GNG4: variants seen among roughly 807,000 people sequenced by gnomAD.
The protein encoded by GNG4 is G protein subunit gamma 4.
GNG4 carries 4 observed loss-of-function variants against 5.8 expected under a neutral mutation model. That is an observed-to-expected ratio of 0.69 (90% confidence interval 0.34 to 1.57). The LOEUF (loss-of-function observed/expected upper bound fraction) is 1.57, where lower values mean the gene tolerates loss of function less well. GNG4 is among the 40% of genes most tolerant of loss of function. GNG4 has a pLI of 0.06. For synonymous variants in GNG4, 29 were observed against 32.9 expected (o/e 0.88, Z 0.41); for missense variants, 96 against 95.1 (o/e 1.01, Z -0.04).
intron 1 of GNG4, among the ~76,000 whole-genome samples, chr1:235,625,401 T>C (rs956042312): frequency 2.0e-5 from 3 of 152,220 alleles, no homozygotes; most frequent in South Asian, 2.1e-4. Context: ...AGTGGTCCAT[T>C]TGTGACCATC....
chr1:235,626,964 A>C (rs1688827501), intron 1 of GNG4, among the ~76,000 whole-genome samples: 1 of 40,552 alleles, frequency 2.5e-5, no homozygotes, highest in South Asian at 6.0e-4. Flanking sequence ...ATCTCAAAAA[A>C]AAAAAAAAAA....
At chr1:235,594,141 CAG>C (rs2102955072) in intron 2 of GNG4, among the ~76,000 whole-genome samples, 1 of 152,246 alleles carries the variant, frequency 6.6e-6, no homozygotes, top group South Asian at 2.1e-4. Flanking sequence ...TAGCTAGATA[CAG>C]AGTGTCCACA....
At chr1:235,591,143 C>CA (rs1259747235) in intron 2 of GNG4, among the ~76,000 whole-genome samples, 1 of 152,142 alleles carries the variant, frequency 6.6e-6, no homozygotes, top group East Asian at 1.9e-4. Context: ...GAAATATATT[C>CA]AAGGAGGTTA....
chr1:235,616,271 G>A, intron 1 of GNG4: 1 of 479,010 alleles, frequency 2.1e-6, no homozygotes, highest in Admixed American at 2.1e-5. Flanking sequence ...GACGAATGAG[G>A]TCTGCCAAGA....
At chr1:235,593,754 G>A (rs953894474) in intron 2 of GNG4, among the ~76,000 whole-genome samples, 6 of 152,192 alleles carry the variant, frequency 3.9e-5, no homozygotes, top group East Asian at 1.9e-4. Flanking sequence ...CGGCGCGTCT[G>A]GAGTTGTTCC....
chr1:235,580,952 A>C (rs915455078), intron 3 of GNG4, among the ~76,000 whole-genome samples: 3 of 151,926 alleles, frequency 2.0e-5, no homozygotes, highest in Non-Finnish European at 4.4e-5. Flanking sequence ...GGTTTTCACC[A>C]TGTTGGCTAG....
At chr1:235,599,534 A>G (rs1688206658) in intron 1 of GNG4, among the ~76,000 whole-genome samples, 1 of 151,688 alleles carries the variant, frequency 6.6e-6, no homozygotes, top group Non-Finnish European at 1.5e-5. Context: ...CCAGGCTGAT[A>G]ACAAACTCTG....
chr1:235,562,260 T>G (rs943725597), intron 3 of GNG4, among the ~76,000 whole-genome samples: 7 of 152,250 alleles, frequency 4.6e-5, no homozygotes, highest in Non-Finnish European at 1.0e-4. Context: ...AACTTTGTTC[T>G]TCTCCTTCAG....
chr1:235,571,977 C>T (rs908294692), intron 3 of GNG4, among the ~76,000 whole-genome samples: 1 of 152,072 alleles, frequency 6.6e-6, no homozygotes, highest in African/African-American at 2.4e-5. Context: ...GCTGGGACTA[C>T]AGGTGTGCAC....
At chr1:235,627,451 G>A (rs2102980666) in intron 1 of GNG4, among the ~76,000 whole-genome samples, 1 of 152,226 alleles carries the variant, frequency 6.6e-6, no homozygotes, top group African/African-American at 2.4e-5. Context: ...TCAAACTCCT[G>A]ACCTTGTAAT....
chr1:235,589,445 TGA>T lies in GNG4; in HGVS notation c.-10-5599_-10-5598del, dbSNP rs544004880. 4.2e-3 allele frequency among the ~76,000 whole-genome samples: 643 copies of T among 152,244 alleles called. 3 individuals carry two copies. The highest frequency in any genetic ancestry group is 0.015 in the African/African-American group (622 of 41,546). On this transcript the variant is annotated intron_variant, in intron 2 of 3. Transcript: ENST00000391854. ...GACAGCTGAGTCAAGGCGGACAGTG[TGA>T]GAGAGCTGGTATGAGTCAGCTGCTG...
chr1:235,625,783 C>T (rs1688797285), intron 1 of GNG4, among the ~76,000 whole-genome samples: 1 of 152,184 alleles, frequency 6.6e-6, no homozygotes. Context: ...TTTTTTAGTA[C>T]TGAATACTAT....
intron 1 of GNG4, among the ~76,000 whole-genome samples, chr1:235,626,609 C>T (rs144947089): frequency 7.9e-5 from 12 of 152,288 alleles, no homozygotes; most frequent in East Asian, 5.8e-4. Flanking sequence ...TGAGCAAACT[C>T]GTCACTCTCT....
At chr1:235,560,712 G>T (rs1327216975) in intron 3 of GNG4, among the ~76,000 whole-genome samples, 5 of 152,194 alleles carry the variant, frequency 3.3e-5, no homozygotes, top group African/African-American at 1.2e-4. Context: ...CCCATGAATA[G>T]AAGAGATCCC....
chr1:235,578,946 A>C (rs55968231), intron 3 of GNG4, among the ~76,000 whole-genome samples: 2,736 of 152,110 alleles, frequency 0.018, 93 homozygotes, highest in African/African-American at 0.062. Flanking sequence ...ATAATACAAA[A>C]ATTAGCTGGA....
intron 2 of GNG4, among the ~76,000 whole-genome samples, chr1:235,592,009 G>A (rs1687975295): frequency 6.6e-6 from 1 of 152,204 alleles, no homozygotes; most frequent in South Asian, 2.1e-4. Context: ...AAGCAAGAAG[G>A]TAATAGTAGC....
At chr1:235,625,441 C>T (rs555229525) in intron 1 of GNG4, among the ~76,000 whole-genome samples, 1 of 152,274 alleles carries the variant, frequency 6.6e-6, no homozygotes, top group East Asian at 1.9e-4. Flanking sequence ...ATCAATATCA[C>T]CTAAAGTCCA....
At position 235,550,656 on chromosome 1, in the gene GNG4, G is replaced by A. The variant is rs968435912; in HGVS notation, c.*1453C>T. ...GTCTCTACTAAAAATACAAAAATGA[G>A]CCAGGCATGTTGGCGTGTGCTTGTC... On this transcript the variant is annotated 3_prime_UTR_variant, in exon 4 of 4. Coordinates refer to ENST00000391854, the MANE Select transcript of GNG4 (RefSeq NM_001098722.2). 4 of 152,130 alleles carry A rather than the reference G, an allele frequency of 2.6e-5. No individual in the cohort carries two copies. Among genetic ancestry groups the A allele is most frequent in the Non-Finnish European group, 1.5e-5 (1 of 68,004 alleles). 9.4% of individuals were successfully genotyped at this position (152,130 alleles called of 1,614,324 possible). A position where few individuals can be genotyped will look rare whatever the true frequency, so the allele number is the denominator to read the frequency against.
At position 235,617,562 on chromosome 1, in the gene GNG4, C is replaced by G. The variant is rs114231255; in HGVS notation, c.-122-22051G>C. On this transcript the variant is annotated intron_variant, in intron 1 of 3. Transcript: ENST00000391854. ...AAGGAAACAATGTTTTGCTGTGATT[C>G]CCACTTCCCTTCCCCACTCCTATCT... 2.8e-3 allele frequency among the ~76,000 whole-genome samples: 433 copies of G among 152,236 alleles called. 5 individuals are homozygous for G. The highest frequency in any genetic ancestry group is 0.01 in the African/African-American group (420 of 41,546).
Sources: gnomAD v4.1 joint callset for allele counts (sites outside exome capture counted in the v4.1 genomes callset) on GRCh38, gnomAD v4.1.1 for gene constraint, MANE v1.5 for transcripts, NCBI Gene and HGNC (gene_info 2026-07-23, HGNC 2026-07-21) for gene names.